The following GRIK4 variants were observed in gnomAD, a reference collection of about 807,000 sequenced individuals.
GRIK4 encodes glutamate receptor ionotropic, kainate 4.
A neutral mutation model predicts 104.9 loss-of-function variants in GRIK4; 40 were observed. The ratio of observed to expected loss-of-function variants is 0.38; its 90% CI spans 0.30 to 0.50. The LOEUF (loss-of-function observed/expected upper bound fraction) is 0.50, where lower values mean the gene tolerates loss of function less well. Among genes scored for constraint, GRIK4 ranks in the 20% least tolerant of loss-of-function variants. GRIK4 has a pLI of 0.93. For missense variants in GRIK4, 1,047 were observed against 1,308.1 expected (o/e 0.80, Z 3.08); for synonymous variants, 485 against 524.9 (o/e 0.92, Z 1.04).
chr11:120,929,334 C>A (rs1404221390), intron 13 of GRIK4, among the ~76,000 whole-genome samples: 1 of 152,114 alleles, frequency 6.6e-6, no homozygotes, highest in Non-Finnish European at 1.5e-5. Flanking sequence ...ATGAGCCCTG[C>A]GGATGCTCGT....
chr11:120,801,257 G>A (rs1302609595), intron 3 of GRIK4, among the ~76,000 whole-genome samples: 3 of 152,054 alleles, frequency 2.0e-5, no homozygotes, highest in Admixed American at 6.5e-5. Context: ...ATGGAGTCTC[G>A]CTCTGTCACC....
chr11:120,715,955 C>A (rs566719029), intron 3 of GRIK4, among the ~76,000 whole-genome samples: 1 of 152,230 alleles, frequency 6.6e-6, no homozygotes, highest in East Asian at 1.9e-4. Context: ...GTCACCCAAG[C>A]AAAGGCTCAT....
chr11:120,817,102 C>T (rs765919059), intron 5 of GRIK4, among the ~76,000 whole-genome samples: 7 of 152,094 alleles, frequency 4.6e-5, no homozygotes, highest in Non-Finnish European at 1.0e-4. Flanking sequence ...CTTCAGCTCC[C>T]CATCTTCTCT....
chr11:120,613,182 C>A (rs1451139632), intron 1 of GRIK4, among the ~76,000 whole-genome samples: 4 of 152,174 alleles, frequency 2.6e-5, no homozygotes, highest in Non-Finnish European at 1.5e-5. Context: ...CACAGCTGAG[C>A]CCAGCTGCTG....
At chr11:120,758,900 A>C (rs915468682) in intron 3 of GRIK4, among the ~76,000 whole-genome samples, 3 of 152,238 alleles carry the variant, frequency 2.0e-5, no homozygotes, top group African/African-American at 7.2e-5. Context: ...ATTGCCAGGC[A>C]CTGTGCTAGG....
At chr11:120,692,834 C>T (rs534053067) in intron 3 of GRIK4, among the ~76,000 whole-genome samples, 5 of 152,262 alleles carry the variant, frequency 3.3e-5, no homozygotes, top group Admixed American at 3.3e-4. Context: ...TGGGTTCAAG[C>T]AATTCTCCTG....
intron 3 of GRIK4, among the ~76,000 whole-genome samples, chr11:120,800,727 A>C (rs1343214001): frequency 6.6e-6 from 1 of 152,230 alleles, no homozygotes; most frequent in Non-Finnish European, 1.5e-5. Flanking sequence ...AATGCTTTGC[A>C]ATATTCTGTG....
chr11:120,757,871 A>T (rs898534934), intron 3 of GRIK4, among the ~76,000 whole-genome samples: 2 of 152,180 alleles, frequency 1.3e-5, no homozygotes, highest in South Asian at 4.1e-4. Flanking sequence ...AGGGAACCTG[A>T]AGCTTCAGCT....
intron 3 of GRIK4, among the ~76,000 whole-genome samples, chr11:120,781,502 C>T (rs914805827): frequency 6.6e-6 from 1 of 152,138 alleles, no homozygotes; most frequent in African/African-American, 2.4e-5. Context: ...AGGCAAGTGC[C>T]ACCATGCCCA....
chr11:120,744,787 G>A (rs918714472), intron 3 of GRIK4, among the ~76,000 whole-genome samples: 1 of 152,164 alleles, frequency 6.6e-6, no homozygotes, highest in Non-Finnish European at 1.5e-5. Flanking sequence ...TCTCCTGCAG[G>A]AACACTTTGG....
chr11:120,699,666 T>C (rs1950518937), intron 3 of GRIK4, among the ~76,000 whole-genome samples: 1 of 151,962 alleles, frequency 6.6e-6, no homozygotes, highest in East Asian at 1.9e-4. Context: ...GTGTTAACAT[T>C]GTAGACAGGG....
intron 1 of GRIK4, among the ~76,000 whole-genome samples, chr11:120,527,590 G>A (rs569060388): frequency 3.9e-5 from 6 of 152,234 alleles, no homozygotes; most frequent in Non-Finnish European, 5.9e-5. Context: ...CTCCAGGGGC[G>A]GGCTGGGGGC....
intron 16 of GRIK4, among the ~76,000 whole-genome samples, chr11:120,958,875 C>T (rs1229876328): frequency 1.3e-5 from 2 of 152,078 alleles, no homozygotes; most frequent in African/African-American, 4.8e-5. Context: ...TGGGGACTGC[C>T]CACCCCAGGT....
intron 3 of GRIK4, among the ~76,000 whole-genome samples, chr11:120,724,469 G>T (rs1042834058): frequency 6.6e-6 from 1 of 152,304 alleles, no homozygotes; most frequent in African/African-American, 2.4e-5. Flanking sequence ...GAGGCATTTT[G>T]TCAGTTTGTT....
At chr11:120,945,137 C>T (rs1384966663) in intron 14 of GRIK4, among the ~76,000 whole-genome samples, 1 of 152,208 alleles carries the variant, frequency 6.6e-6, no homozygotes, top group Non-Finnish European at 1.5e-5. Flanking sequence ...TTGCTGCTCA[C>T]TGCTCTTTTG....
intron 3 of GRIK4, among the ~76,000 whole-genome samples, chr11:120,687,610 T>C (rs1479870862): frequency 1.3e-5 from 2 of 152,192 alleles, no homozygotes; most frequent in East Asian, 3.9e-4. Context: ...TTTTATTGAA[T>C]GCTCGACATT....
Position 120,832,173 on chromosome 11 carries a change from A to G in GRIK4, c.690+143A>G, listed in dbSNP as rs1357409020. 10 of 563,174 alleles carry G rather than the reference A, an allele frequency of 1.8e-5. No homozygotes were observed. In the East Asian group the frequency reaches 3.0e-4, roughly 17 times the overall value. 34.9% of individuals were successfully genotyped at this position (563,174 alleles called of 1,614,324 possible). On this transcript the variant is annotated intron_variant, in intron 7 of 20. Coordinates refer to ENST00000527524, the MANE Select transcript of GRIK4 (RefSeq NM_014619.5). Reference sequence around the variant, plus strand: ...AACCTCTCTCTGTGCTTCTGTTTTCAATGAGCGGTTCCCGAAAAATGAAAG... The same window carrying G: ...AACCTCTCTCTGTGCTTCTGTTTTCGATGAGCGGTTCCCGAAAAATGAAAG...
chr11:120,699,157 C>T (rs61901363), intron 3 of GRIK4, among the ~76,000 whole-genome samples: 13,129 of 152,234 alleles, frequency 0.086, 635 homozygotes, highest in South Asian at 0.12. Context: ...GTGTGAGCCT[C>T]TGGCCCAGGT....
chr11:120,937,688 G>T (rs1565450357), intron 13 of GRIK4, among the ~76,000 whole-genome samples: 1 of 152,192 alleles, frequency 6.6e-6, no homozygotes, highest in Non-Finnish European at 1.5e-5. Context: ...AGACAGAAAT[G>T]CTCTGTCCAG....
Sources: gnomAD v4.1 joint callset for allele counts (sites outside exome capture counted in the v4.1 genomes callset) on GRCh38, gnomAD v4.1.1 for gene constraint, MANE v1.5 for transcripts, NCBI Gene and HGNC (gene_info 2026-07-23, HGNC 2026-07-21) for gene names.